GRIK3: variants seen among roughly 807,000 people sequenced by gnomAD.
The protein encoded by GRIK3 is glutamate ionotropic receptor kainate type subunit 3.
Under a neutral mutation model 102.5 loss-of-function variants are expected in GRIK3, and 29 were observed. The observed-to-expected ratio is 0.28, with a 90% CI of 0.21 to 0.39. The LOEUF is 0.39. Among genes scored for constraint, GRIK3 ranks in the 10% least tolerant of loss-of-function variants. The pLI, the probability that GRIK3 is intolerant of heterozygous loss-of-function variation, is 1.00. For missense variants in GRIK3, 908 were observed against 1,252.4 expected (o/e 0.73, Z 4.15); for synonymous variants, 511 against 504.9 (o/e 1.01, Z -0.16).
chr1:36,937,373 T>A (rs1641670999), intron 1 of GRIK3, among the ~76,000 whole-genome samples: 1 of 152,176 alleles, frequency 6.6e-6, no homozygotes, highest in Admixed American at 6.5e-5. Context: ...AATCTCTTGT[T>A]GTACTCTGCA....
At chr1:36,966,380 G>A (rs900897964) in intron 1 of GRIK3, among the ~76,000 whole-genome samples, 1 of 152,184 alleles carries the variant, frequency 6.6e-6, no homozygotes, top group African/African-American at 2.4e-5. Context: ...GGCCTTGGAC[G>A]TTCATCAGAG....
intron 9 of GRIK3, 96 bp from the exon 10 acceptor site, chr1:36,842,035 T>G (rs529507314): frequency 2.1e-5 from 21 of 1,013,428 alleles, no homozygotes; most frequent in Non-Finnish European, 2.3e-5. Context: ...TCTGCTCATG[T>G]TTTTATAAAC....
At chr1:36,955,087 C>T (rs573914972) in intron 1 of GRIK3, among the ~76,000 whole-genome samples, 53 of 152,318 alleles carry the variant, frequency 3.5e-4, no homozygotes, top group African/African-American at 1.1e-3. Context: ...GCCTCCAACC[C>T]CAAGCAGACT....
At chr1:36,902,554 T>G (rs928732469) in intron 1 of GRIK3, among the ~76,000 whole-genome samples, 1 of 152,134 alleles carries the variant, frequency 6.6e-6, no homozygotes, top group Non-Finnish European at 1.5e-5. Flanking sequence ...GACACAGACC[T>G]TACACCCTTC....
chr1:36,973,953 A>G (rs1203170289), intron 1 of GRIK3, among the ~76,000 whole-genome samples: 1 of 152,116 alleles, frequency 6.6e-6, no homozygotes, highest in East Asian at 1.9e-4. Context: ...GGGGGAAGTA[A>G]CATAATGGGT....
intron 10 of GRIK3, among the ~76,000 whole-genome samples, chr1:36,827,963 A>G (rs1006838068): frequency 2.6e-5 from 4 of 151,836 alleles, no homozygotes; most frequent in Non-Finnish European, 5.9e-5. Flanking sequence ...AAATGTCTGA[A>G]TGTGTGAGTT....
At chr1:36,857,032 C>T (rs1205054122) in intron 7 of GRIK3, among the ~76,000 whole-genome samples, 1 of 152,204 alleles carries the variant, frequency 6.6e-6, no homozygotes, top group African/African-American at 2.4e-5. Flanking sequence ...ACTCACCAAT[C>T]CTCAGAACAA....
intron 1 of GRIK3, among the ~76,000 whole-genome samples, chr1:36,943,868 C>T (rs1641754095): frequency 6.6e-6 from 1 of 152,246 alleles, no homozygotes; most frequent in African/African-American, 2.4e-5. Context: ...CCGTGCTGCC[C>T]AACCATGAGC....
At position 36,850,226 on chromosome 1, in the gene GRIK3, G is replaced by C. The variant is rs539243796; in HGVS notation, c.1326+85C>G. On this transcript the variant is annotated intron_variant, in intron 9 of 15. Transcript: ENST00000373091. The surrounding 1 kb of genome is among the most constrained non-coding windows in gnomAD (Gnocchi z 4.0). Reference sequence around the variant, plus strand: ...CCTGCAGCCTCCATCTTCTGGGTGGGGGGGATAGAGGGGACTCTCCAGCCC... The same window carrying C: ...CCTGCAGCCTCCATCTTCTGGGTGGCGGGGATAGAGGGGACTCTCCAGCCC... The C allele has an allele frequency of 1.2e-5, 10 of 806,018 alleles. No individual in the cohort carries two copies. The Admixed American group carries it at 1.5e-4, about 12-fold the overall frequency. The allele number at this position is 806,018 out of a possible 1,614,324, so 49.9% of individuals were successfully genotyped here. A position where few individuals can be genotyped will look rare whatever the true frequency, so the allele number is the denominator to read the frequency against.
At chr1:36,913,111 T>C (rs1272591400) in intron 1 of GRIK3, among the ~76,000 whole-genome samples, 3 of 152,176 alleles carry the variant, frequency 2.0e-5, no homozygotes, top group Non-Finnish European at 4.4e-5. Flanking sequence ...ATAGGGGCCA[T>C]GTGCCTGGCA....
chr1:36,820,485 C>T (rs1642683726), intron 11 of GRIK3, among the ~76,000 whole-genome samples: 1 of 152,156 alleles, frequency 6.6e-6, no homozygotes, highest in Admixed American at 6.5e-5. Flanking sequence ...CAAATGCATA[C>T]TAAAGGGTCT....
At chr1:36,929,548 G>C (rs1641565172) in intron 1 of GRIK3, among the ~76,000 whole-genome samples, 1 of 152,118 alleles carries the variant, frequency 6.6e-6, no homozygotes, top group South Asian at 2.1e-4. Context: ...ATCATCATGT[G>C]GGTTTGAGAA....
At chr1:36,964,747 C>T (rs926303848) in intron 1 of GRIK3, among the ~76,000 whole-genome samples, 11 of 152,256 alleles carry the variant, frequency 7.2e-5, no homozygotes, top group Admixed American at 2.0e-4. Context: ...AGACACCCCA[C>T]GTGATATGAC....
At chr1:36,814,204 T>C (rs1158015474) in intron 13 of GRIK3, among the ~76,000 whole-genome samples, 1 of 152,168 alleles carries the variant, frequency 6.6e-6, no homozygotes, top group African/African-American at 2.4e-5. Context: ...GAAGCCAATC[T>C]GAGCATCTTA....
At chr1:36,940,755 G>A (rs537127700) in intron 1 of GRIK3, among the ~76,000 whole-genome samples, 7 of 152,168 alleles carry the variant, frequency 4.6e-5, no homozygotes, top group African/African-American at 9.6e-5. Flanking sequence ...GTTAATCTTC[G>A]CCCCTTGCAA....
intron 1 of GRIK3, among the ~76,000 whole-genome samples, chr1:36,996,037 C>T (rs1224642989): frequency 6.6e-6 from 1 of 152,124 alleles, no homozygotes; most frequent in Non-Finnish European, 1.5e-5. Flanking sequence ...TGTCTGGTGG[C>T]CCGAGATCCT....
At chr1:37,028,565 G>A (rs1025257556) in intron 1 of GRIK3, among the ~76,000 whole-genome samples, 2 of 152,168 alleles carry the variant, frequency 1.3e-5, no homozygotes, top group Non-Finnish European at 2.9e-5. Context: ...CAGAGTGGTA[G>A]AGCCCAGATG....
At chr1:36,980,565 G>A (rs1035377575) in intron 1 of GRIK3, among the ~76,000 whole-genome samples, 6 of 151,636 alleles carry the variant, frequency 4.0e-5, no homozygotes, top group Admixed American at 6.6e-5. Flanking sequence ...CTCAGGGACC[G>A]CCCCCCACCC....
At chr1:36,855,562 C>T (rs1201411088) in intron 7 of GRIK3, among the ~76,000 whole-genome samples, 1 of 152,232 alleles carries the variant, frequency 6.6e-6, no homozygotes, top group Non-Finnish European at 1.5e-5. Flanking sequence ...AGAAAGTGGG[C>T]TCTGCACAAA....
Sources: allele counts gnomAD v4.1 joint callset (sites outside exome capture counted in the v4.1 genomes callset), GRCh38; gene constraint gnomAD v4.1.1; non-coding constraint Gnocchi (gnomAD v3.1); transcripts MANE v1.5; gene names NCBI Gene and HGNC (gene_info 2026-07-23, HGNC 2026-07-21).